Variants in SLC25A26 observed in about 807,000 individuals in gnomAD.
SLC25A26 encodes the protein solute carrier family 25 member 26.
In SLC25A26, 36 loss-of-function variants were observed where a neutral mutation model predicts 37.8. The ratio of observed to expected loss-of-function variants is 0.95; its 90% confidence interval spans 0.73 to 1.26. The LOEUF is 1.26. Among genes scored for constraint, SLC25A26 ranks in the 50% most tolerant of loss-of-function variants. SLC25A26 has a pLI of 0.00. For missense variants in SLC25A26, 390 were observed against 331.1 expected (o/e 1.18, Z -1.38); for synonymous variants, 129 against 122.5 (o/e 1.05, Z -0.35).
intron 5 of SLC25A26, among the ~76,000 whole-genome samples, chr3:66,317,792 A>G (rs1374505413): frequency 2.6e-5 from 4 of 152,190 alleles, no homozygotes; most frequent in African/African-American, 9.6e-5. Context: ...AGTTCTGTCC[A>G]TAAACCCCTG....
intron 1 of SLC25A26, among the ~76,000 whole-genome samples, chr3:66,206,307 A>T (rs2071176548): frequency 6.6e-6 from 1 of 152,196 alleles, no homozygotes; most frequent in Non-Finnish European, 1.5e-5. Context: ...ACCTCGAGGC[A>T]GGGTCCATTT....
chr3:66,221,768 T>C (rs1014453798), intron 1 of SLC25A26, among the ~76,000 whole-genome samples: 2 of 150,470 alleles, frequency 1.3e-5, no homozygotes, highest in African/African-American at 4.9e-5. Context: ...TTACCAAATA[T>C]TTTGGAGCGT....
Position 66,361,962 on chromosome 3 carries a change from G to A in SLC25A26, c.499-898G>A, listed in dbSNP as rs959361756. ...AGCACTCCAGCCTGGGTGACAGAGC[G>A]AGTCTGTCTCAAAAAAAAAGAAGAA... On this transcript the variant is annotated intron_variant, in intron 6 of 9. Coordinates refer to ENST00000354883, the MANE Select transcript of SLC25A26 (RefSeq NM_001379210.1). 1.2e-4 allele frequency among the ~76,000 whole-genome samples: 18 copies of A among 151,978 alleles called. 1 individual carries two copies. Among genetic ancestry groups the A allele is most frequent in the South Asian group, 6.2e-4 (3 of 4,814 alleles).
intron 6 of SLC25A26, among the ~76,000 whole-genome samples, chr3:66,354,677 A>G (rs1004811019): frequency 1.9e-4 from 29 of 152,188 alleles, no homozygotes; most frequent in African/African-American, 6.5e-4. Context: ...CTCAGTGCTC[A>G]GGGTCTGCAG....
rs575547584 is a variant in SLC25A26, at chr3:66,238,391, A to T, written c.190+1691A>T. On this transcript the variant is annotated intron_variant, in intron 2 of 9. Coordinates refer to ENST00000354883, the MANE Select transcript of SLC25A26 (RefSeq NM_001379210.1). ...TATGTGTTTTATTATTATTATTATT[A>T]TTTTTTGAGATGGAGTCTTGCTGTG... Among the ~76,000 whole-genome samples, 119 of 151,844 alleles carry T rather than the reference A, an allele frequency of 7.8e-4. 2 individuals carry two copies. The South Asian group carries it at 0.021, about 27-fold the overall frequency.
At chr3:66,192,334 A>AGAG (rs1553653585) in intron 1 of SLC25A26, among the ~76,000 whole-genome samples, 1 of 150,460 alleles carries the variant, frequency 6.6e-6, no homozygotes, top group African/African-American at 2.5e-5. Flanking sequence ...AAAAAAAAAA[A>AGAG]AGAGAGAGAA....
intron 3 of SLC25A26, among the ~76,000 whole-genome samples, chr3:66,249,914 A>G (rs1037464588): frequency 7.2e-5 from 11 of 152,196 alleles, no homozygotes; most frequent in Non-Finnish European, 1.3e-4. Flanking sequence ...CACTCAAACA[A>G]ACACTTTTTT....
Position 66,262,063 on chromosome 3 carries a change from A to G in SLC25A26, c.313A>G (p.Ile105Val), listed in dbSNP as rs767839051. Reference sequence around the variant, plus strand: ...ATTTGTCTTTTAGGTTGCCTGCCTGATTCGAGTTCCATCTGAAGTGGTTAA... The same window carrying G: ...ATTTGTCTTTTAGGTTGCCTGCCTGGTTCGAGTTCCATCTGAAGTGGTTAA... ...ASAGEVVACL[I>V]RVPSEVVKQR... The change falls in exon 4 of 10, where the codon ATT becomes GTT. Residue 105 changes from isoleucine (I) to valine (V), a missense_variant. Transcript: ENST00000354883. The G allele has an allele frequency of 1.3e-6, 2 of 1,577,270 alleles. No homozygotes were observed. Among genetic ancestry groups the G allele is most frequent in the Non-Finnish European group, 1.7e-6 (2 of 1,161,094 alleles).
intron 1 of SLC25A26, among the ~76,000 whole-genome samples, chr3:66,208,100 T>C (rs2071204415): frequency 6.6e-6 from 1 of 152,210 alleles, no homozygotes; most frequent in Non-Finnish European, 1.5e-5. Context: ...GATTAGTCAA[T>C]GGTATTCTCA....
chr3:66,299,217 A>T (rs1255803755), intron 5 of SLC25A26, among the ~76,000 whole-genome samples: 1 of 152,056 alleles, frequency 6.6e-6, no homozygotes, highest in Non-Finnish European at 1.5e-5. Context: ...TTTGAGGCAA[A>T]GTTTCCCTCT....
At chr3:66,253,035 C>CCG (rs1491017695) in intron 3 of SLC25A26, among the ~76,000 whole-genome samples, 1 of 142,696 alleles carries the variant, frequency 7.0e-6, no homozygotes, top group African/African-American at 2.6e-5. Flanking sequence ...CCCCCCCCCC[C>CCG]CATAAATATG....
chr3:66,359,333 A>T (rs2076645699), intron 6 of SLC25A26, among the ~76,000 whole-genome samples: 1 of 152,188 alleles, frequency 6.6e-6, no homozygotes, highest in South Asian at 2.1e-4. Flanking sequence ...AGGGACTGTT[A>T]CTTTTTCTTT....
intron 5 of SLC25A26, among the ~76,000 whole-genome samples, chr3:66,266,576 C>CTTTTTT (rs1004250488): frequency 0.038 from 4,252 of 111,178 alleles, 273 homozygotes; most frequent in African/African-American, 0.11. Flanking sequence ...TGTTGTCACA[C>CTTTTTT]TTTTTTTTTT....
chr3:66,308,991 A>G (rs142805566), intron 5 of SLC25A26, among the ~76,000 whole-genome samples: 7,643 of 152,058 alleles, frequency 0.05, 614 homozygotes, highest in African/African-American at 0.17. Flanking sequence ...TTGGCCTGAA[A>G]TTTTCTTTTT....
chr3:66,348,319 G>T (rs114058796), intron 6 of SLC25A26, among the ~76,000 whole-genome samples: 3,653 of 152,250 alleles, frequency 0.024, 84 homozygotes, highest in Non-Finnish European at 0.039. Flanking sequence ...GGCATCTTAC[G>T]TGGTAAGAGT....
At position 66,239,264 on chromosome 3, in the gene SLC25A26, C is replaced by T. The variant is rs552841102; in HGVS notation, c.190+2564C>T. On this transcript the variant is annotated intron_variant, in intron 2 of 9. Transcript: ENST00000354883. ...TGTTTTGAAACCCTTCATCCCCAAC[C>T]TTTTTTTTTTTTTGCCACATCCACA... is the stretch of plus-strand genomic sequence containing the variant. 1.2e-3 allele frequency among the ~76,000 whole-genome samples: 168 copies of T among 143,096 alleles called. 1 individual carries two copies. Among genetic ancestry groups the T allele is most frequent in the South Asian group, 3.1e-3 (14 of 4,492 alleles). The allele number at this position is 143,096 out of a possible 152,430, so 93.9% of individuals were successfully genotyped here.
chr3:66,192,821 C>T (rs981685080), intron 1 of SLC25A26, among the ~76,000 whole-genome samples: 6 of 151,948 alleles, frequency 3.9e-5, no homozygotes, highest in Admixed American at 3.9e-4. Context: ...TATGTAAATG[C>T]CTTTGGATAA....
chr3:66,178,129 C>T (rs2070625006), intron 1 of SLC25A26, among the ~76,000 whole-genome samples: 1 of 152,140 alleles, frequency 6.6e-6, no homozygotes, highest in Non-Finnish European at 1.5e-5. Flanking sequence ...ATAGTCAAGT[C>T]AGATTCATGT....
At chr3:66,202,513 G>C (rs1444044338) in intron 1 of SLC25A26, among the ~76,000 whole-genome samples, 137,983 of 145,334 alleles carry the variant, frequency 0.95, 65,794 homozygotes, top group Non-Finnish European at 1. Flanking sequence ...ACATGTATCC[G>C]AGAACTTAAA....
Sources: allele counts gnomAD v4.1 joint callset (sites outside exome capture counted in the v4.1 genomes callset), GRCh38; gene constraint gnomAD v4.1.1; transcripts MANE v1.5; gene names NCBI Gene and HGNC (gene_info 2026-07-23, HGNC 2026-07-21).